CCNB3: variants seen among roughly 807,000 people sequenced by gnomAD.
The protein encoded by CCNB3 is G2/mitotic-specific cyclin-B3.
Under a neutral mutation model 68.0 loss-of-function variants are expected in CCNB3, and 12 were observed. The ratio of observed to expected loss-of-function variants is 0.18; its 90% CI spans 0.11 to 0.29. CCNB3 has a LOEUF of 0.29. CCNB3 is among the 10% of genes least tolerant of loss of function. The pLI is 1.00. For synonymous variants in CCNB3, 354 were observed against 388.9 expected (o/e 0.91, Z 1.06); for missense variants, 904 against 993.1 (o/e 0.91, Z 1.21).
rs1471001222 is a variant in CCNB3, at chrX:50,297,073, G to A, written c.335+2080G>A. 2.2e-4 allele frequency among the ~76,000 whole-genome samples: 25 copies of A among 111,385 alleles called. 1 individual carries two copies. In the Middle Eastern group the frequency reaches 0.014, roughly 62 times the overall value. ...GGTTGCAAAAATTTTCTCCCATTCT[G>A]TAGGTTTCCTGTTCACTCTGATGGT... On this transcript the variant is annotated intron_variant, in intron 5 of 12. Transcript: ENST00000376042.
chrX:50,283,420 C>T, intron 1 of CCNB3, among the ~76,000 whole-genome samples: 1 of 111,622 alleles, frequency 9.0e-6, no homozygotes, highest in Non-Finnish European at 1.9e-5. Context: ...ATTGTACCTG[C>T]CTTGCTTAGC....
chrX:50,210,292 T>TA (rs1175480140), intron 1 of CCNB3, among the ~76,000 whole-genome samples: 5 of 111,757 alleles, frequency 4.5e-5, no homozygotes, highest in Admixed American at 2.9e-4. Flanking sequence ...CTTTTCTCAG[T>TA]ATCTTCTCAG....
At position 50,309,869 on chromosome X, in the gene CCNB3, C is replaced by T. The variant is rs1921315547; in HGVS notation, c.1700C>T (p.Pro567Leu). The change falls in exon 6 of 13, where the codon CCA becomes CTA. Residue 567 changes from proline to leucine, a missense_variant. Pro to Leu is a moderately conservative substitution (Grantham distance 98). Coordinates refer to ENST00000376042, the MANE Select transcript of CCNB3 (RefSeq NM_033031.3). Reference sequence around the variant, plus strand: ...GATAAGAATTCTTTCTTTATGGAGCCAATGTCATTTAGGAAGAACCCTACA... The same window carrying T: ...GATAAGAATTCTTTCTTTATGGAGCTAATGTCATTTAGGAAGAACCCTACA... The part of the protein sequence containing the change: ...GEDKNSFFME[P>L]MSFRKNPTTE... 8.3e-7 allele frequency: 1 copy of T among 1,209,017 alleles called. No homozygotes were observed. Among genetic ancestry groups the T allele is most frequent in the African/African-American group, 1.7e-5 (1 of 57,248 alleles).
At chrX:50,294,743 C>A in intron 4 of CCNB3, 120 bp from the exon 5 acceptor site, 1 of 860,180 alleles carries the variant, frequency 1.2e-6, no homozygotes, top group Non-Finnish European at 1.6e-6. Flanking sequence ...CTGGGAACAC[C>A]CAACCAACTT....
chrX:50,331,305 C>T (rs1440023692), intron 8 of CCNB3, among the ~76,000 whole-genome samples: 11 of 110,985 alleles, frequency 9.9e-5, no homozygotes, highest in African/African-American at 2.0e-4. Flanking sequence ...CGTCCAGTCC[C>T]GGTGGGACTC....
chrX:50,322,812 GA>G (rs1387489029), intron 8 of CCNB3, among the ~76,000 whole-genome samples: 1 of 111,450 alleles, frequency 9.0e-6, no homozygotes, highest in African/African-American at 3.3e-5. Flanking sequence ...AAAAACACAT[GA>G]AAAAATGCTC....
At position 50,351,360 on chromosome X, in the gene CCNB3, G is replaced by A; in HGVS notation, c.4080G>A (p.Lys1360=). 2 of 1,211,214 alleles carry A rather than the reference G, an allele frequency of 1.7e-6. No homozygotes were observed. Among genetic ancestry groups the A allele is most frequent in the Non-Finnish European group, 2.2e-6 (2 of 895,323 alleles). The change falls in exon 12 of 13, where the codon AAG becomes AAA. Residue 1360 remains lysine, a synonymous_variant. Transcript: ENST00000376042. ...ATAGTCTCAAGGCTGTGTATTACAA[G>A]TATTCTCACCCGTAAGTACTAAGCC... ...SYDSLKAVYY[K]YSHPVFFEVA...
chrX:50,227,947 TAG>T (rs1319135437), intron 1 of CCNB3, among the ~76,000 whole-genome samples: 86 of 81,888 alleles, frequency 1.1e-3, no homozygotes, highest in African/African-American at 3.9e-3. Flanking sequence ...TATAAATATA[TAG>T]AGAGAATATA....
intron 4 of CCNB3, among the ~76,000 whole-genome samples, chrX:50,292,486 C>T (rs1320083982): frequency 1.8e-5 from 2 of 111,513 alleles, no homozygotes; most frequent in African/African-American, 3.3e-5. Context: ...CTATCCTTCT[C>T]AAAGTATATC....
Position 50,309,678 on chromosome X carries a change from C to G in CCNB3, c.1509C>G (p.His503Gln), listed in dbSNP as rs1569542881. The G allele has an allele frequency of 1.7e-6, 2 of 1,209,739 alleles. No homozygotes were observed. Among genetic ancestry groups the G allele is most frequent in the South Asian group, 3.5e-5 (2 of 56,760 alleles). Residue 503 changes from histidine to glutamine, a missense_variant, in exon 6 of 13, where the codon CAC becomes CAG. Coordinates refer to ENST00000376042, the MANE Select transcript of CCNB3 (RefSeq NM_033031.3). ...ATGCCACTCAGGGGACAATGTCCCA[C>G]TTGAAGAAACCACTAATATTACAGA... ...RKHATQGTMS[H>Q]LKKPLILQTT...
At chrX:50,210,484 T>A (rs1180975973) in intron 1 of CCNB3, among the ~76,000 whole-genome samples, 1 of 112,133 alleles carries the variant, frequency 8.9e-6, no homozygotes, top group Non-Finnish European at 1.9e-5. Flanking sequence ...ATTGCTGTGG[T>A]TTTGGTGGAT....
intron 1 of CCNB3, among the ~76,000 whole-genome samples, chrX:50,222,717 C>T (rs1165813572): frequency 3.6e-5 from 4 of 110,976 alleles, no homozygotes; most frequent in African/African-American, 1.3e-4. Context: ...TCATTTCAAC[C>T]TTGGCAAATC....
intron 6 of CCNB3, 111 bp from the exon 7 acceptor site, chrX:50,312,424 GAC>G: frequency 1.6e-6 from 1 of 618,600 alleles, no homozygotes; most frequent in Non-Finnish European, 2.7e-6. Context: ...CAAGGCTTGA[GAC>G]ACCTTAGCAG....
intron 7 of CCNB3, among the ~76,000 whole-genome samples, 157 bp from the exon 8 acceptor site, chrX:50,313,699 C>T (rs1557215389): frequency 8.9e-6 from 1 of 112,285 alleles, no homozygotes; most frequent in African/African-American, 3.2e-5. Flanking sequence ...CAAAGCATAA[C>T]TGCAACTTGC....
In CCNB3 at chrX:50,347,767, G is replaced by A. The variant is rs782459741; in HGVS notation, c.3952G>A (p.Gly1318Arg). 7 of 1,206,486 alleles carry A rather than the reference G, an allele frequency of 5.8e-6. No homozygotes were observed. In the African/African-American group the frequency reaches 7.1e-5, roughly 12 times the overall value. Residue 1318 changes from glycine to arginine, a missense_variant, in exon 11 of 13, where the codon GGA becomes AGA. Physicochemically the swap from Gly to Arg is moderately radical, Grantham distance 125 (BLOSUM62 -2). Around this residue, in one of 2 missense-constraint regions of CCNB3, gnomAD observed 285 missense variants for 383.4 expected, o/e 0.74. Coordinates refer to ENST00000376042, the MANE Select transcript of CCNB3 (RefSeq NM_033031.3). ...CCTGGCCCTCTACATGAAGAAGCTC[G>A]GATACTGGGTAAACACTTGCGAGAT... ...LLLALYMKKLGYWVPFLEHYS... is the reference protein window; with the variant it reads ...LLLALYMKKLRYWVPFLEHYS...
chrX:50,328,985 A>T (rs1308068168), intron 8 of CCNB3, among the ~76,000 whole-genome samples: 7 of 112,389 alleles, frequency 6.2e-5, no homozygotes, highest in African/African-American at 1.6e-4. Flanking sequence ...ATCTCCTTTG[A>T]CTCCGTGTTC....
At chrX:50,297,203 C>G (rs1936493138) in intron 5 of CCNB3, among the ~76,000 whole-genome samples, 2 of 111,618 alleles carry the variant, frequency 1.8e-5, no homozygotes, top group South Asian at 7.6e-4. Flanking sequence ...AAATCCTTGC[C>G]CATGCCTATG....
At chrX:50,211,674 A>C (rs1935485384) in intron 1 of CCNB3, among the ~76,000 whole-genome samples, 1 of 111,353 alleles carries the variant, frequency 9.0e-6, no homozygotes. Context: ...TCTTGCTCTC[A>C]AGTCAGGATG....
At position 50,331,863 on chromosome X, in the gene CCNB3, C is replaced by T. The variant is rs143999695; in HGVS notation, c.3517-10339C>T. ...GGCCACACGCTCCCCTTTTTTCCAGCGAGAATCAAGGGGATTGGTTATTAC... is the reference window on the plus strand; with the variant it reads ...GGCCACACGCTCCCCTTTTTTCCAGTGAGAATCAAGGGGATTGGTTATTAC... On this transcript the variant is annotated intron_variant, in intron 8 of 12. Transcript: ENST00000376042. Among the ~76,000 whole-genome samples, 62 of 111,172 alleles carry T rather than the reference C, an allele frequency of 5.6e-4. 1 individual carries two copies. Among genetic ancestry groups the T allele is most frequent in the African/African-American group, 2.0e-3 (60 of 30,649 alleles).
Sources: gnomAD v4.1 joint callset for allele counts (sites outside exome capture counted in the v4.1 genomes callset) on GRCh38, gnomAD v4.1.1 for gene constraint, gnomAD v4.1.1 regional missense constraint, MANE v1.5 for transcripts, NCBI Gene and HGNC (gene_info 2026-07-23, HGNC 2026-07-21) for gene names.